CNST: variants seen among roughly 807,000 people sequenced by gnomAD.
CNST encodes consortin.
CNST carries 39 observed loss-of-function variants against 72.4 expected under a neutral mutation model. That is an observed-to-expected ratio of 0.54 (90% CI 0.42 to 0.70). The LOEUF is 0.70. Among genes scored for constraint, CNST ranks in the 30% least tolerant of loss-of-function variants. CNST has a pLI of 0.00. For synonymous variants in CNST, 332 were observed against 320.1 expected (o/e 1.04, Z -0.40); for missense variants, 871 against 868.5 (o/e 1.00, Z -0.04).
chr1:246,652,797 G>A (rs1042592212), intron 9 of CNST, among the ~76,000 whole-genome samples: 2 of 151,390 alleles, frequency 1.3e-5, no homozygotes, highest in Non-Finnish European at 1.5e-5. Flanking sequence ...GAGGTCAGGA[G>A]ATCGAGACCA....
chr1:246,603,719 T>C lies in CNST; in HGVS notation c.379+11778T>C, dbSNP rs1334342242. ...GGACATATGTGTGAAATGTCCAGAA[T>C]AGGCAAATCTATATGGACAGCAAGT... is the stretch of plus-strand genomic sequence containing the variant. On this transcript the variant is annotated intron_variant, in intron 2 of 10. Transcript: ENST00000366513. Among the ~76,000 whole-genome samples the C allele has an allele frequency of 5.3e-5, 8 of 152,168 alleles. No individual in the cohort carries two copies. The South Asian group carries it at 6.2e-4, about 12-fold the overall frequency.
chr1:246,586,386 A>C (rs1331204355), intron 1 of CNST, among the ~76,000 whole-genome samples: 1 of 147,464 alleles, frequency 6.8e-6, no homozygotes, highest in Non-Finnish European at 1.5e-5. Context: ...TCTATATCAA[A>C]GATATATCAA....
chr1:246,664,488 G>A (rs943369144), intron 10 of CNST, among the ~76,000 whole-genome samples: 42 of 151,694 alleles, frequency 2.8e-4, no homozygotes, highest in African/African-American at 9.9e-4. Context: ...GTGCAGTGGT[G>A]TGATCTCAGC....
In CNST at chr1:246,668,481, G is replaced by A. The variant is rs754396225; in HGVS notation, c.*2576G>A. On this transcript the variant is annotated 3_prime_UTR_variant, in exon 11 of 11. Transcript: ENST00000366513. ...GAAGACTAATAGGTCCTTAGGTAAC[G>A]GCTCTTCTGCTTTAAAATACCTCCC... 6.6e-6 allele frequency: 1 copy of A among 152,124 alleles called. No individual in the cohort carries two copies. The highest frequency in any genetic ancestry group is 2.4e-5 in the African/African-American group (1 of 41,432). 9.4% of individuals were successfully genotyped at this position (152,124 alleles called of 1,614,324 possible). A position where few individuals can be genotyped will look rare whatever the true frequency, so the allele number is the denominator to read the frequency against.
intron 1 of CNST, among the ~76,000 whole-genome samples, chr1:246,583,199 T>C (rs1454833871): frequency 6.6e-6 from 1 of 152,240 alleles, no homozygotes; most frequent in Non-Finnish European, 1.5e-5. Flanking sequence ...GTGTTTACCA[T>C]ACAGATGCCC....
chr1:246,647,872 A>C lies in CNST; in HGVS notation c.1671A>C (p.Lys557Asn). ...ACAGCCTTTTAGAAGGATGTTTAAA[A>C]GATACTGAAGATTCCCTTTCCTATG... ...YLNSLLEGCL[K>N]DTEDSLSYED... is the part of the protein sequence containing the mutation. Residue 557 changes from lysine (K) to asparagine (N), a missense_variant, in exon 9 of 11, where the codon AAA becomes AAC. Transcript: ENST00000366513. The C allele has an allele frequency of 6.2e-7, 1 of 1,614,160 alleles. No individual in the cohort carries two copies.
chr1:246,656,667 G>A (rs539833956), intron 9 of CNST, among the ~76,000 whole-genome samples: 8 of 152,192 alleles, frequency 5.3e-5, no homozygotes, highest in East Asian at 1.9e-4. Context: ...GTCTGGGGCC[G>A]GGCACAGTGG....
At chr1:246,624,584 AG>A (rs959051201) in intron 3 of CNST, among the ~76,000 whole-genome samples, 5 of 152,244 alleles carry the variant, frequency 3.3e-5, no homozygotes, top group Admixed American at 2.0e-4. Flanking sequence ...CTGAGACGTC[AG>A]GGTGACAAGA....
Position 246,647,180 on chromosome 1 carries a change from C to T in CNST, c.979C>T (p.Gln327Ter). 1 of 1,613,930 alleles carries T rather than the reference C, an allele frequency of 6.2e-7. No homozygotes were observed. ...CGGCACAGAGTCAAGTAAAGAAAGCCAACATACAGTGGAGCCCCTGGGGAG... is the reference window on the plus strand; with the variant it reads ...CGGCACAGAGTCAAGTAAAGAAAGCTAACATACAGTGGAGCCCCTGGGGAG... The part of the protein sequence containing the change: ...CLGTESSKES[Q>*]HTVEPLGSSP... Residue 327 changes from glutamine (Q) to a stop codon, truncating the protein, a stop_gained, in exon 9 of 11, where the codon CAA becomes TAA. Coordinates refer to ENST00000366513, the MANE Select transcript of CNST (RefSeq NM_152609.3). LOFTEE classifies it high-confidence loss of function.
rs1034270228 is a variant in CNST at position 246,648,655 on chromosome 1, G to A, written c.1836+618G>A. Among the ~76,000 whole-genome samples, 10 of 152,228 alleles carry A rather than the reference G, an allele frequency of 6.6e-5. No individual in the cohort carries two copies. The East Asian group carries it at 1.9e-3, about 29-fold the overall frequency. ...CAAACTACAGCACACTCACGAAGGC[G>A]GCCTGGTGTGGTAGAGCAGAATTCG... On this transcript the variant is annotated intron_variant, in intron 9 of 10. Coordinates refer to ENST00000366513, the MANE Select transcript of CNST (RefSeq NM_152609.3).
chr1:246,646,700 G>T (rs191966700), intron 8 of CNST, among the ~76,000 whole-genome samples: 181 of 152,288 alleles, frequency 1.2e-3, no homozygotes, highest in African/African-American at 4.1e-3. Flanking sequence ...GGCTGGTTTC[G>T]AATTCCCGAC....
intron 2 of CNST, among the ~76,000 whole-genome samples, chr1:246,620,922 G>A (rs1226927104): frequency 2.6e-5 from 4 of 152,184 alleles, no homozygotes; most frequent in Admixed American, 1.3e-4. Context: ...GGCTTCAGTC[G>A]TGCATACACA....
intron 9 of CNST, among the ~76,000 whole-genome samples, chr1:246,652,766 A>G (rs1286784040): frequency 3.4e-5 from 5 of 147,664 alleles, no homozygotes; most frequent in Non-Finnish European, 6.0e-5. Flanking sequence ...GCACTTTGGG[A>G]GGCCAAGGCG....
At chr1:246,627,186 CAT>C (rs1664493468) in intron 3 of CNST, among the ~76,000 whole-genome samples, 2 of 152,344 alleles carry the variant, frequency 1.3e-5, no homozygotes, top group Middle Eastern at 6.8e-3. Flanking sequence ...GCAGATAAAA[CAT>C]AAGTCAGATC....
intron 1 of CNST, among the ~76,000 whole-genome samples, chr1:246,572,104 C>T (rs143006331): frequency 1.6e-3 from 243 of 152,210 alleles, no homozygotes; most frequent in Non-Finnish European, 3.2e-3. Flanking sequence ...CTGGGACTCA[C>T]GCCTGTAGTC....
chr1:246,629,235 C>T (rs943950076), intron 3 of CNST, among the ~76,000 whole-genome samples: 1 of 152,154 alleles, frequency 6.6e-6, no homozygotes, highest in Non-Finnish European at 1.5e-5. Context: ...GGCCATTCAC[C>T]TCCAACCCCA....
chr1:246,586,111 A>ATATATATGTGTGTGTG (rs777928408), intron 1 of CNST, among the ~76,000 whole-genome samples: 40 of 102,678 alleles, frequency 3.9e-4, no homozygotes, highest in African/African-American at 1.4e-3. Flanking sequence ...ATATATATAT[A>ATATATATGTGTGTGTG]TGTGTGTGTG....
intron 3 of CNST, 106 bp from the exon 4 acceptor site, chr1:246,631,788 T>C (rs940679400): frequency 3.8e-6 from 3 of 786,946 alleles, no homozygotes; most frequent in South Asian, 1.5e-5. Context: ...TTTTCTTAAT[T>C]TGATATCAAA....
At chr1:246,659,414 G>GA (rs1204615320) in intron 9 of CNST, among the ~76,000 whole-genome samples, 1 of 152,146 alleles carries the variant, frequency 6.6e-6, no homozygotes, top group African/African-American at 2.4e-5. Flanking sequence ...CTAACTCGGT[G>GA]AAACCCCGTC....
Sources: allele counts gnomAD v4.1 joint callset (sites outside exome capture counted in the v4.1 genomes callset), GRCh38; gene constraint gnomAD v4.1.1; transcripts MANE v1.5; gene names NCBI Gene and HGNC (gene_info 2026-07-23, HGNC 2026-07-21).